Variants in PPARA observed in about 807,000 individuals in gnomAD.
The protein encoded by PPARA is peroxisome proliferator activated receptor alpha.
A neutral mutation model predicts 42.2 loss-of-function variants in PPARA; 22 were observed. The ratio of observed to expected loss-of-function variants is 0.52; its 90% CI spans 0.37 to 0.74. PPARA has a LOEUF of 0.74. PPARA is among the 30% of genes least tolerant of loss of function. PPARA has a pLI of 0.00. For synonymous variants in PPARA, 242 were observed against 239.3 expected (o/e 1.01, Z -0.10); for missense variants, 465 against 608.2 (o/e 0.76, Z 2.48).
Position 46,174,249 on chromosome 22 carries a change from A to AGAAGGAAGGAAGGAAGGAAG in PPARA, c.-126-2496_-126-2477dup, listed in dbSNP as rs1555935169. Reference sequence around the variant, plus strand: ...AAGAAAGAGAGAGAGAAAGAAAGAAAGAAGGAAGGAAGGAAGGAAGGAAGG... The same window carrying AGAAGGAAGGAAGGAAGGAAG: ...AAGAAAGAGAGAGAGAAAGAAAGAAAGAAGGAAGGAAGGAAGGAAGGAAGGAAGGAAGGAAGGAAGGAAGG... On this transcript the variant is annotated intron_variant, in intron 2 of 8. Transcript: ENST00000407236. Among the ~76,000 whole-genome samples, 12 of 11,902 alleles carry AGAAGGAAGGAAGGAAGGAAG rather than the reference A, an allele frequency of 1.0e-3. No individual in the cohort carries two copies. In the Admixed American group the frequency reaches 0.011, roughly 11 times the overall value. The allele number at this position is 11,902 out of a possible 152,430, so 7.8% of individuals were successfully genotyped here. A position where few individuals can be genotyped will look rare whatever the true frequency, so the allele number is the denominator to read the frequency against.
In PPARA at chr22:46,160,801, A is replaced by G. The variant is rs573485881; in HGVS notation, c.-127+8831A>G. Among the ~76,000 whole-genome samples the G allele has an allele frequency of 1.3e-5, 2 of 152,190 alleles. No individual in the cohort carries two copies. Among genetic ancestry groups the G allele is most frequent in the South Asian group, 4.1e-4 (2 of 4,820 alleles). Reference sequence around the variant, plus strand: ...TTTTTTGTAGAGATGGGGTTTAGCCATGTTCAGCTAGTCTCAAACTCCTGG... The same window carrying G: ...TTTTTTGTAGAGATGGGGTTTAGCCGTGTTCAGCTAGTCTCAAACTCCTGG... On this transcript the variant is annotated intron_variant, in intron 2 of 8. Coordinates refer to ENST00000407236, the MANE Select transcript of PPARA (RefSeq NM_005036.6). This position sits in a 1 kb window ranked among gnomAD's most constrained non-coding sequence, Gnocchi z 4.5.
At position 46,224,612 on chromosome 22, in the gene PPARA, G is replaced by A. The variant is rs1038275760; in HGVS notation, c.711+4598G>A. On this transcript the variant is annotated intron_variant, in intron 7 of 8. Coordinates refer to ENST00000407236, the MANE Select transcript of PPARA (RefSeq NM_005036.6). The surrounding 1 kb of genome is among the most constrained non-coding windows in gnomAD (Gnocchi z 5.7). The stretch of plus-strand genomic sequence containing the variant: ...AGGAAGGCACACTGACCTCAGGGCC[G>A]GCGGCTGACTTCATTTCTGTTTGGG... 8.5e-5 allele frequency among the ~76,000 whole-genome samples: 13 copies of A among 152,182 alleles called. No homozygotes were observed. Among genetic ancestry groups the A allele is most frequent in the Admixed American group, 5.9e-4 (9 of 15,276 alleles).
At position 46,226,040 on chromosome 22, in the gene PPARA, CACTT is replaced by C. The variant is rs556085857; in HGVS notation, c.712-5749_712-5746del. Among the ~76,000 whole-genome samples, 53 of 152,006 alleles carry C rather than the reference CACTT, an allele frequency of 3.5e-4. No homozygotes were observed. In the East Asian group the frequency reaches 5.4e-3, roughly 16 times the overall value. ...ATTCACACAGATGCATACACACACA[CACTT>C]ACAAACTACACATGTGCTTATACAT... On this transcript the variant is annotated intron_variant, in intron 7 of 8. Coordinates refer to ENST00000407236, the MANE Select transcript of PPARA (RefSeq NM_005036.6).
chr22:46,225,751 ACT>A lies in PPARA; in HGVS notation c.711+5739_711+5740del, dbSNP rs987665484. Among the ~76,000 whole-genome samples the A allele has an allele frequency of 3.1e-5, 4 of 127,394 alleles. No individual in the cohort carries two copies. The highest frequency in any genetic ancestry group is 1.1e-4 in the African/African-American group (4 of 37,330). 83.6% of individuals were successfully genotyped at this position (127,394 alleles called of 152,430 possible). ...AGCATCCATGCTCACATGGGTACAC[ACT>A]CACACATCCATGCATGCACGTGTAA... On this transcript the variant is annotated intron_variant, in intron 7 of 8. Coordinates refer to ENST00000407236, the MANE Select transcript of PPARA (RefSeq NM_005036.6). This position sits in a 1 kb window ranked among gnomAD's most constrained non-coding sequence, Gnocchi z 4.1.
intron 7 of PPARA, among the ~76,000 whole-genome samples, chr22:46,226,335 A>G (rs1364139392): frequency 2.6e-5 from 4 of 152,224 alleles, no homozygotes; most frequent in Non-Finnish European, 5.9e-5. Flanking sequence ...TCAGTTAAAC[A>G]ACCAAATAAT....
At chr22:46,218,128 C>A in intron 5 of PPARA, 135 bp from the exon 6 acceptor site, 1 of 1,212,310 alleles carries the variant, frequency 8.2e-7, no homozygotes, top group Non-Finnish European at 1.2e-6. Flanking sequence ...CCATGCCTGG[C>A]CTGGAATAAC....
In PPARA at chr22:46,218,072, C is replaced by T. The variant is rs147685102; in HGVS notation, c.370-191C>T. ...TCTCGAACTCCTGACCTCAGGTGAT[C>T]CACCCGCCTCAGCCTCCTAAAGTGC... On this transcript the variant is annotated intron_variant, in intron 5 of 8. Transcript: ENST00000407236. 3.6e-3 allele frequency among the ~76,000 whole-genome samples: 551 copies of T among 151,880 alleles called. 2 individuals are homozygous for T. The highest frequency in any genetic ancestry group is 3.7e-3 in the Non-Finnish European group (254 of 67,936).
In PPARA at chr22:46,214,578, G is replaced by T. The variant is rs555098461; in HGVS notation, c.209-595G>T. Reference sequence around the variant, plus strand: ...AGATGCGGGGGTCCAGAGATGTGGGGGTCCGGAGATGTGCGGGTCTGGAGA... The same window carrying T: ...AGATGCGGGGGTCCAGAGATGTGGGTGTCCGGAGATGTGCGGGTCTGGAGA... On this transcript the variant is annotated intron_variant, in intron 4 of 8. Transcript: ENST00000407236. Among the ~76,000 whole-genome samples the T allele has an allele frequency of 2.7e-4, 40 of 148,070 alleles. 1 individual carries two copies. In the South Asian group the frequency reaches 8.5e-3, roughly 32 times the overall value.
At position 46,200,534 on chromosome 22, in the gene PPARA, A is replaced by C. The variant is rs1031942552; in HGVS notation, c.208+1943A>C. ...AAATACAGTATTATCATCTTATGGG[A>C]CCATGATACCACAGTTGAACTTATG... On this transcript the variant is annotated intron_variant, in intron 4 of 8. Transcript: ENST00000407236. This position sits in a 1 kb window ranked among gnomAD's most constrained non-coding sequence, Gnocchi z 4.8. Among the ~76,000 whole-genome samples, 10 of 152,260 alleles carry C rather than the reference A, an allele frequency of 6.6e-5. No individual in the cohort carries two copies. Among genetic ancestry groups the C allele is most frequent in the Non-Finnish European group, 1.5e-4 (10 of 68,042 alleles).
Position 46,231,958 on chromosome 22 carries a change from C to T in PPARA, c.878C>T (p.Ala293Val). The T allele has an allele frequency of 6.2e-7, 1 of 1,614,220 alleles. No individual in the cohort carries two copies. The highest frequency in any genetic ancestry group is 1.1e-5 in the South Asian group (1 of 91,088). Reference sequence around the variant, plus strand: ...ACGGAGCTCACGGAATTCGCCAAGGCCATCCCAGGCTTCGCAAACTTGGAC... The same window carrying T: ...ACGGAGCTCACGGAATTCGCCAAGGTCATCCCAGGCTTCGCAAACTTGGAC... ...TVTELTEFAKAIPGFANLDLN... is the reference protein window; with the variant it reads ...TVTELTEFAKVIPGFANLDLN... The change falls in exon 8 of 9, where the codon GCC (alanine) becomes GTC (valine). Residue 293 changes from alanine to valine, a missense_variant. Around this residue, in one of 2 missense-constraint regions of PPARA, gnomAD observed 313 missense variants for 469.1 expected, o/e 0.67. Coordinates refer to ENST00000407236, the MANE Select transcript of PPARA (RefSeq NM_005036.6). This position sits in a 1 kb window ranked among gnomAD's most constrained non-coding sequence, Gnocchi z 7.7.
chr22:46,226,664 T>G (rs574632658), intron 7 of PPARA, among the ~76,000 whole-genome samples: 1 of 152,238 alleles, frequency 6.6e-6, no homozygotes, highest in South Asian at 2.1e-4. Context: ...TAAAACGTCT[T>G]GTTTAAAAAA....
At position 46,193,494 on chromosome 22, in the gene PPARA, T is replaced by C. The variant is rs1024752758; in HGVS notation, c.-42-4848T>C. ...AATGCTTGAGGGCACAGCTACCCCATTCCCCATGACGTGTTTAGTTCACAT... is the reference window on the plus strand; with the variant it reads ...AATGCTTGAGGGCACAGCTACCCCACTCCCCATGACGTGTTTAGTTCACAT... On this transcript the variant is annotated intron_variant, in intron 3 of 8. Coordinates refer to ENST00000407236, the MANE Select transcript of PPARA (RefSeq NM_005036.6). The surrounding 1 kb of genome is among the most constrained non-coding windows in gnomAD (Gnocchi z 5.3). Among the ~76,000 whole-genome samples the C allele has an allele frequency of 6.6e-6, 1 of 152,216 alleles. No homozygotes were observed. Among genetic ancestry groups the C allele is most frequent in the Non-Finnish European group, 1.5e-5 (1 of 68,044 alleles).
At position 46,193,954 on chromosome 22, in the gene PPARA, G is replaced by A. The variant is rs1164678696; in HGVS notation, c.-42-4388G>A. ...CTGGCCAGCCTGGTTCACTCTTCTC[G>A]ATTAGCTGGACAGCGGCATGTCATG... On this transcript the variant is annotated intron_variant, in intron 3 of 8. Transcript: ENST00000407236. This position sits in a 1 kb window ranked among gnomAD's most constrained non-coding sequence, Gnocchi z 5.3. 3.3e-5 allele frequency among the ~76,000 whole-genome samples: 5 copies of A among 152,234 alleles called. No individual in the cohort carries two copies. The highest frequency in any genetic ancestry group is 7.3e-5 in the Non-Finnish European group (5 of 68,048).
At chr22:46,202,306 G>A (rs988461415) in intron 4 of PPARA, among the ~76,000 whole-genome samples, 1 of 152,186 alleles carries the variant, frequency 6.6e-6, no homozygotes, top group Non-Finnish European at 1.5e-5. Context: ...AATCTAAAAT[G>A]TATTTTTAAC....
rs1239311938 is a variant in PPARA, at chr22:46,233,280, A to T, written c.1159+1041A>T. Among the ~76,000 whole-genome samples, 1 of 152,180 alleles carries T rather than the reference A, an allele frequency of 6.6e-6. No individual in the cohort carries two copies. Among genetic ancestry groups the T allele is most frequent in the Non-Finnish European group, 1.5e-5 (1 of 68,012 alleles). ...TGCTTTGCCCGAGGAAGCAGATCCC[A>T]GGGAAGGCCGATCTGGTCCTCTCTG... is the stretch of plus-strand genomic sequence containing the variant. On this transcript the variant is annotated intron_variant, in intron 8 of 8. Transcript: ENST00000407236. This position sits in a 1 kb window ranked among gnomAD's most constrained non-coding sequence, Gnocchi z 7.3.
In PPARA at chr22:46,191,011, G is replaced by A. The variant is rs1931463519; in HGVS notation, c.-42-7331G>A. On this transcript the variant is annotated intron_variant, in intron 3 of 8. Transcript: ENST00000407236. This position sits in a 1 kb window ranked among gnomAD's most constrained non-coding sequence, Gnocchi z 4.6. ...TTCAAAACCAGCCTGGCCAAACATG[G>A]TGAAACCACATCTCTACTAAATATA... Among the ~76,000 whole-genome samples, 1 of 152,104 alleles carries A rather than the reference G, an allele frequency of 6.6e-6. No individual in the cohort carries two copies. The highest frequency in any genetic ancestry group is 1.5e-5 in the Non-Finnish European group (1 of 68,028).
rs1311113791 is a variant in PPARA, at chr22:46,150,684, A to G, written c.-210+32A>G. 9.1e-5 allele frequency: 13 copies of G among 142,882 alleles called. No homozygotes were observed. Among genetic ancestry groups the G allele is most frequent in the Non-Finnish European group, 1.5e-4 (10 of 64,794 alleles). The allele number at this position is 142,882 out of a possible 1,614,324, so 8.9% of individuals were successfully genotyped here. ...GGGGGCGGGCGGGCGGGCGGGCGGG[A>G]ACGCGCGCGGGGGTCCGCGGTCCGG... On this transcript the variant is annotated intron_variant, in intron 1 of 8. Transcript: ENST00000407236. The surrounding 1 kb of genome is among the most constrained non-coding windows in gnomAD (Gnocchi z 7.5).
At position 46,219,693 on chromosome 22, in the gene PPARA, C is replaced by A; in HGVS notation, c.509-119C>A. The A allele has an allele frequency of 1.0e-6, 1 of 983,608 alleles. No individual in the cohort carries two copies. The highest frequency in any genetic ancestry group is 1.3e-5 in the South Asian group (1 of 74,548). 60.9% of individuals were successfully genotyped at this position (983,608 alleles called of 1,614,324 possible). A position where few individuals can be genotyped will look rare whatever the true frequency, so the allele number is the denominator to read the frequency against. On this transcript the variant is annotated intron_variant, in intron 6 of 8. Coordinates refer to ENST00000407236, the MANE Select transcript of PPARA (RefSeq NM_005036.6). The surrounding 1 kb of genome is among the most constrained non-coding windows in gnomAD (Gnocchi z 4.8). ...AGCCGAATAGTAATGAAGGATGGGT[C>A]TGAACTGCCTGTGAATTTTCATTCC...
chr22:46,218,126 G>A (rs1395948466), intron 5 of PPARA, 137 bp from the exon 6 acceptor site: 12 of 1,196,838 alleles, frequency 1.0e-5, no homozygotes, highest in Non-Finnish European at 1.4e-5. Context: ...CACCATGCCT[G>A]GCCTGGAATA....
Sources: allele counts gnomAD v4.1 joint callset (sites outside exome capture counted in the v4.1 genomes callset), GRCh38; gene constraint gnomAD v4.1.1; regional missense constraint gnomAD v4.1.1; non-coding constraint Gnocchi (gnomAD v3.1); transcripts MANE v1.5; gene names NCBI Gene and HGNC (gene_info 2026-07-23, HGNC 2026-07-21).